The following ANKS1B variants were observed in gnomAD, a reference collection of about 807,000 sequenced individuals.
ANKS1B encodes ankyrin repeat and sterile alpha motif domain containing 1B.
Under a neutral mutation model 148.3 loss-of-function variants are expected in ANKS1B, and 36 were observed. That is an observed-to-expected ratio of 0.24 (90% confidence interval 0.19 to 0.32). ANKS1B has a LOEUF of 0.32. ANKS1B is among the 10% of genes least tolerant of loss of function. The probability of loss-of-function intolerance (pLI) is 1.00; values close to 1 mark genes in which losing one functional copy is unlikely to be tolerated. For synonymous variants in ANKS1B, 542 were observed against 560.8 expected, an observed-to-expected ratio of 0.97 and a Z score of 0.47; for missense variants, 1,157 against 1,542.6, an observed-to-expected ratio of 0.75 and a Z score of 4.19.
At chr12:98,915,184 C>T (rs189925) in intron 17 of ANKS1B, among the ~76,000 whole-genome samples, 46,836 of 151,838 alleles carry the variant, frequency 0.31, 9,133 homozygotes, top group African/African-American at 0.55. Flanking sequence ...ATATGACTAG[C>T]GTCCTTCTAG....
At chr12:99,861,764 T>C (rs2090048265) in intron 1 of ANKS1B, among the ~76,000 whole-genome samples, 1 of 152,210 alleles carries the variant, frequency 6.6e-6, no homozygotes, top group Admixed American at 6.5e-5. Flanking sequence ...GAAGTTCATA[T>C]ACTTCTTTTA....
chr12:99,130,559 C>G (rs1313486239), intron 15 of ANKS1B, among the ~76,000 whole-genome samples: 3 of 152,148 alleles, frequency 2.0e-5, no homozygotes, highest in Admixed American at 1.3e-4. Flanking sequence ...GCCACATCAG[C>G]TAATAAGCTC....
intron 2 of ANKS1B, among the ~76,000 whole-genome samples, chr12:99,816,738 T>C (rs2153672312): frequency 1.3e-5 from 2 of 151,794 alleles, no homozygotes; most frequent in Middle Eastern, 3.4e-3. Context: ...AATCAGCAAA[T>C]TATGATTAAT....
intron 11 of ANKS1B, among the ~76,000 whole-genome samples, chr12:99,420,985 C>T (rs1247393187): frequency 6.6e-6 from 1 of 152,084 alleles, no homozygotes; most frequent in African/African-American, 2.4e-5. Context: ...GGATTCAGAT[C>T]CTAATGTCGG....
intron 12 of ANKS1B, among the ~76,000 whole-genome samples, chr12:99,333,797 A>G (rs73143025): frequency 1.3e-4 from 20 of 149,880 alleles, no homozygotes; most frequent in Non-Finnish European, 2.4e-4. Flanking sequence ...TTCACTTAGA[A>G]GCACTGATTC....
At chr12:99,103,391 G>A (rs529956835) in intron 15 of ANKS1B, among the ~76,000 whole-genome samples, 2 of 152,124 alleles carry the variant, frequency 1.3e-5, no homozygotes, top group African/African-American at 4.8e-5. Context: ...GAACTCCTTC[G>A]ACATCTCTCC....
intron 15 of ANKS1B, among the ~76,000 whole-genome samples, chr12:99,142,886 T>C (rs1319597892): frequency 6.6e-6 from 1 of 152,128 alleles, no homozygotes; most frequent in Admixed American, 6.6e-5. Context: ...GCCTGAATAT[T>C]CCTGTTTACT....
intron 4 of ANKS1B, among the ~76,000 whole-genome samples, chr12:99,788,983 C>G (rs1567851335): frequency 6.6e-6 from 1 of 152,154 alleles, no homozygotes; most frequent in African/African-American, 2.4e-5. Context: ...AGGTTTTTGA[C>G]TCTAATCCTT....
chr12:99,785,002 T>C (rs1405710994), intron 4 of ANKS1B, among the ~76,000 whole-genome samples: 1 of 152,134 alleles, frequency 6.6e-6, no homozygotes, highest in Non-Finnish European at 1.5e-5. Flanking sequence ...GTATCCCCAA[T>C]GCCTAGCAAA....
At chr12:99,894,641 T>G (rs10161312) in intron 1 of ANKS1B, among the ~76,000 whole-genome samples, 34,814 of 150,676 alleles carry the variant, frequency 0.23, 5,056 homozygotes, top group Non-Finnish European at 0.26. Flanking sequence ...ACAACCATTT[T>G]GTTTCAGTAC....
chr12:99,756,141 A>G (rs528569853), intron 8 of ANKS1B, among the ~76,000 whole-genome samples: 1 of 150,768 alleles, frequency 6.6e-6, no homozygotes, highest in African/African-American at 2.4e-5. Context: ...ATAGGAAGAG[A>G]GGAAGTAAAA....
intron 19 of ANKS1B, among the ~76,000 whole-genome samples, chr12:98,815,956 G>C (rs1439546394): frequency 5.3e-5 from 8 of 152,108 alleles, no homozygotes; most frequent in Non-Finnish European, 1.0e-4. Flanking sequence ...ATTCAACACA[G>C]AAGATAATTC....
At chr12:99,634,610 T>A (rs2098213942) in intron 9 of ANKS1B, among the ~76,000 whole-genome samples, 1 of 152,126 alleles carries the variant, frequency 6.6e-6, no homozygotes, top group African/African-American at 2.4e-5. Flanking sequence ...CTAAATAATC[T>A]CTAAATTTGC....
rs2097831827 is a variant in ANKS1B at position 98,744,129 on chromosome 12, T to C, written c.*1610A>G. 4 of 985,674 alleles carry C rather than the reference T, an allele frequency of 4.1e-6. No individual in the cohort carries two copies. The highest frequency in any genetic ancestry group is 1.7e-5 in the African/African-American group (1 of 57,226). 61.1% of individuals were successfully genotyped at this position (985,674 alleles called of 1,614,324 possible). ...TTAACTTTGCTCCTATACAATTGCC[T>C]CCTGGTACCATATTTTAGTGTTATT... On this transcript the variant is annotated 3_prime_UTR_variant, in exon 27 of 27. Transcript: ENST00000683438.
At chr12:99,825,802 A>G (rs1459212821) in intron 1 of ANKS1B, among the ~76,000 whole-genome samples, 4 of 152,234 alleles carry the variant, frequency 2.6e-5, no homozygotes, top group African/African-American at 9.6e-5. Flanking sequence ...GGTGATTTAT[A>G]TAAGTTATAA....
At chr12:98,758,519 A>C (rs1209850889) in intron 25 of ANKS1B, among the ~76,000 whole-genome samples, 1 of 152,226 alleles carries the variant, frequency 6.6e-6, no homozygotes, top group Admixed American at 6.5e-5. Context: ...GCTGAGAGGC[A>C]GCCTCCAGGC....
At chr12:99,399,504 A>G (rs1457829329) in intron 12 of ANKS1B, 127 bp downstream of exon 12, 2 of 934,296 alleles carry the variant, frequency 2.1e-6, no homozygotes, top group East Asian at 2.6e-5. Flanking sequence ...AAAGCCCTAC[A>G]TTGCCACACA....
At chr12:99,600,101 A>G (rs2097789012) in intron 9 of ANKS1B, among the ~76,000 whole-genome samples, 1 of 151,876 alleles carries the variant, frequency 6.6e-6, no homozygotes, top group Admixed American at 6.6e-5. Context: ...TTCTTTAGAC[A>G]CTGCCTGTAC....
intron 9 of ANKS1B, among the ~76,000 whole-genome samples, chr12:99,565,463 T>A (rs1182087936): frequency 1.3e-5 from 2 of 152,052 alleles, no homozygotes; most frequent in East Asian, 3.9e-4. Flanking sequence ...TGGGGGAAAA[T>A]GAAAAGTAAA....
Sources: allele counts gnomAD v4.1 joint callset (sites outside exome capture counted in the v4.1 genomes callset), GRCh38; gene constraint gnomAD v4.1.1; transcripts MANE v1.5; gene names NCBI Gene and HGNC (gene_info 2026-07-23, HGNC 2026-07-21).